The following VPS4B variants were observed in gnomAD, a reference collection of about 807,000 sequenced individuals.
The protein encoded by VPS4B is vacuolar protein sorting 4 homolog B.
Under a neutral mutation model 56.1 loss-of-function variants are expected in VPS4B, and 23 were observed. The ratio of observed to expected loss-of-function variants is 0.41; its 90% CI spans 0.30 to 0.58. VPS4B has a LOEUF of 0.58. Among genes scored for constraint, VPS4B ranks in the 20% least tolerant of loss-of-function variants. The pLI is 0.29. For synonymous variants in VPS4B, 177 were observed against 186.0 expected, an observed-to-expected ratio of 0.95 and a Z score of 0.39; for missense variants, 372 against 531.9, an observed-to-expected ratio of 0.70 and a Z score of 2.96.
intron 3 of VPS4B, 135 bp from the exon 4 acceptor site, chr18:63,407,634 C>CT: frequency 1.5e-6 from 1 of 661,682 alleles, no homozygotes. Flanking sequence ...GTTATGCTTA[C>CT]TTATTTTAAA....
intron 3 of VPS4B, among the ~76,000 whole-genome samples, chr18:63,408,303 T>C (rs997725662): frequency 1.3e-5 from 2 of 152,124 alleles, no homozygotes; most frequent in African/African-American, 4.8e-5. Flanking sequence ...TAAAGGGAGA[T>C]AAAAGCATGA....
At chr18:63,411,746 T>C (rs969346992) in intron 1 of VPS4B, among the ~76,000 whole-genome samples, 168 bp from the exon 2 acceptor site, 6 of 152,194 alleles carry the variant, frequency 3.9e-5, no homozygotes, top group African/African-American at 1.4e-4. Flanking sequence ...AAATCATTTT[T>C]TTCTAACTCA....
Position 63,390,645 on chromosome 18 carries a change from A to G in VPS4B, c.*330T>C, listed in dbSNP as rs1341738277. 2 of 158,100 alleles carry G rather than the reference A, an allele frequency of 1.3e-5. No individual in the cohort carries two copies. Among genetic ancestry groups the G allele is most frequent in the Non-Finnish European group, 2.8e-5 (2 of 71,850 alleles). The allele number at this position is 158,100 out of a possible 1,614,324, so 9.8% of individuals were successfully genotyped here. ...TTTTAGTAAAAAAAAAAGAAAATATAAATGCTCTTTGCAAAGACCACCATT... is the reference window on the plus strand; with the variant it reads ...TTTTAGTAAAAAAAAAAGAAAATATGAATGCTCTTTGCAAAGACCACCATT... On this transcript the variant is annotated 3_prime_UTR_variant, in exon 11 of 11. Transcript: ENST00000238497.
At chr18:63,410,521 T>C (rs907112234) in intron 2 of VPS4B, 75 bp from the exon 3 acceptor site, 2 of 1,548,592 alleles carry the variant, frequency 1.3e-6, no homozygotes, top group Admixed American at 2.0e-5. Context: ...TAAATATGTA[T>C]TTTTTCAGAC....
intron 1 of VPS4B, among the ~76,000 whole-genome samples, chr18:63,419,102 C>CA (rs1253386981): frequency 6.6e-6 from 1 of 152,210 alleles, no homozygotes; most frequent in African/African-American, 2.4e-5. Flanking sequence ...GGAGAAAACT[C>CA]AGACTCTTCC....
chr18:63,399,025 C>T lies in VPS4B; in HGVS notation c.872+217G>A, dbSNP rs1027283464. 2.6e-5 allele frequency among the ~76,000 whole-genome samples: 4 copies of T among 152,034 alleles called. No homozygotes were observed. In the South Asian group the frequency reaches 8.3e-4, roughly 31 times the overall value. ...GTAATATATTTTCTAATATGAAAGA[C>T]AGAAGTGTGTGGAAATCTTGTATAT... is the stretch of plus-strand genomic sequence containing the variant. On this transcript the variant is annotated intron_variant, in intron 8 of 10. Transcript: ENST00000238497.
At chr18:63,393,292 A>C (rs1813569274) in intron 10 of VPS4B, 117 bp downstream of exon 10, 1 of 943,902 alleles carries the variant, frequency 1.1e-6, no homozygotes. Context: ...ATGAGTCAAC[A>C]ATATTAAGTA....
intron 1 of VPS4B, among the ~76,000 whole-genome samples, chr18:63,417,842 G>A (rs539582163): frequency 1.4e-4 from 21 of 152,040 alleles, no homozygotes; most frequent in Non-Finnish European, 2.2e-4. Context: ...TTATCCATAC[G>A]GAAGTATAAA....
chr18:63,404,634 C>A (rs538684177), intron 4 of VPS4B: 1 of 152,092 alleles, frequency 6.6e-6, no homozygotes, highest in Non-Finnish European at 1.5e-5. Context: ...TTATCAAAAG[C>A]TTTTCTAATT....
chr18:63,400,937 CTCAT>C (rs1915794474), intron 5 of VPS4B, among the ~76,000 whole-genome samples: 1 of 152,170 alleles, frequency 6.6e-6, no homozygotes, highest in Non-Finnish European at 1.5e-5. Flanking sequence ...CATTTGTTTG[CTCAT>C]TCATTCAACC....
rs767733528 is a variant in VPS4B at position 63,422,214 on chromosome 18, G to A, written c.27+19C>T. ...CTCGATCCCAGCTCCCTAGGGGGAC[G>A]GGAGATGAGCAATGATACCTGGAGG... On this transcript the variant is annotated intron_variant, in intron 1 of 10. Transcript: ENST00000238497. 5.3e-6 allele frequency: 8 copies of A among 1,503,566 alleles called. 1 individual carries two copies. Among genetic ancestry groups the A allele is most frequent in the Middle Eastern group, 3.5e-4 (2 of 5,736 alleles). The allele number at this position is 1,503,566 out of a possible 1,614,324, so 93.1% of individuals were successfully genotyped here. A position where few individuals can be genotyped will look rare whatever the true frequency, so the allele number is the denominator to read the frequency against.
At chr18:63,421,988 G>A (rs930580469) in intron 1 of VPS4B, among the ~76,000 whole-genome samples, 3 of 152,216 alleles carry the variant, frequency 2.0e-5, no homozygotes, top group African/African-American at 7.2e-5. Flanking sequence ...TTGGAAGCGG[G>A]AAGTGTCAAC....
In VPS4B at chr18:63,390,927, T is replaced by A. The variant is rs774292261; in HGVS notation, c.*48A>T. On this transcript the variant is annotated 3_prime_UTR_variant, in exon 11 of 11. Transcript: ENST00000238497. ...AATGCGATCCAAATAGACAAAAATA[T>A]CTATGAAAGAAAGAATACATATGGT... The A allele has an allele frequency of 2.3e-6, 3 of 1,326,032 alleles. No individual in the cohort carries two copies. The highest frequency in any genetic ancestry group is 3.7e-5 in the Admixed American group (2 of 53,694). The allele number at this position is 1,326,032 out of a possible 1,614,324, so 82.1% of individuals were successfully genotyped here.
At chr18:63,401,999 A>ATTTT (rs1915821269) in intron 5 of VPS4B, among the ~76,000 whole-genome samples, 1 of 152,218 alleles carries the variant, frequency 6.6e-6, no homozygotes, top group South Asian at 2.1e-4. Context: ...GTCTCAAAAA[A>ATTTT]AGAAACAAAA....
chr18:63,414,695 A>T (rs1304567220), intron 1 of VPS4B, among the ~76,000 whole-genome samples: 1 of 152,092 alleles, frequency 6.6e-6, no homozygotes, highest in Non-Finnish European at 1.5e-5. Context: ...TCAGCCTCCC[A>T]AAGTGCTGGG....
chr18:63,407,361 A>G, intron 4 of VPS4B, 71 bp downstream of exon 4: 1 of 1,314,682 alleles, frequency 7.6e-7, no homozygotes, highest in East Asian at 2.5e-5. Context: ...GAACAAAAAC[A>G]ATTCAAATAG....
At chr18:63,413,367 C>T (rs1049445588) in intron 1 of VPS4B, among the ~76,000 whole-genome samples, 4 of 152,008 alleles carry the variant, frequency 2.6e-5, no homozygotes, top group African/African-American at 9.7e-5. Flanking sequence ...AGTGAAACCC[C>T]GTCTCTACTA....
At chr18:63,417,596 C>T (rs185654115) in intron 1 of VPS4B, among the ~76,000 whole-genome samples, 1 of 152,104 alleles carries the variant, frequency 6.6e-6, no homozygotes, top group African/African-American at 2.4e-5. Flanking sequence ...TTTCCTCCCC[C>T]CCTACATCAG....
At chr18:63,398,188 T>C (rs555813477) in intron 8 of VPS4B, among the ~76,000 whole-genome samples, 14 of 133,640 alleles carry the variant, frequency 1.0e-4, no homozygotes, top group Non-Finnish European at 1.7e-4. Flanking sequence ...CATATACATA[T>C]ATACACACAC....
Sources: gnomAD v4.1 joint callset for allele counts (sites outside exome capture counted in the v4.1 genomes callset) on GRCh38, gnomAD v4.1.1 for gene constraint, MANE v1.5 for transcripts, NCBI Gene and HGNC (gene_info 2026-07-23, HGNC 2026-07-21) for gene names.